PCDH15: variants seen among roughly 807,000 people sequenced by gnomAD.
The protein encoded by PCDH15 is protocadherin-15.
PCDH15 carries 129 observed loss-of-function variants against 178.5 expected under a neutral mutation model. The ratio of observed to expected loss-of-function variants is 0.72; its 90% CI spans 0.63 to 0.84. The LOEUF is 0.84. Among genes scored for constraint, PCDH15 ranks in the 40% least tolerant of loss-of-function variants. The pLI is 0.00. For synonymous variants in PCDH15, 800 were observed against 732.0 expected (o/e 1.09, Z -1.50); for missense variants, 2,230 against 2,099.9 (o/e 1.06, Z -1.21).
chr10:55,498,167 A>G (rs1335986097), intron 2 of PCDH15, among the ~76,000 whole-genome samples: 2 of 151,934 alleles, frequency 1.3e-5, no homozygotes, highest in Admixed American at 6.6e-5. Context: ...TTGAGTTATT[A>G]TATTTTAAAG....
intron 3 of PCDH15, among the ~76,000 whole-genome samples, chr10:54,818,269 T>G (rs1591718763): frequency 6.6e-6 from 1 of 152,064 alleles, no homozygotes; most frequent in Non-Finnish European, 1.5e-5. Flanking sequence ...AATAAAATGA[T>G]TGAGTAATTA....
rs150523139 is a variant in PCDH15 at position 55,231,185 on chromosome 10, G to T, written c.-155-64534C>A. Among the ~76,000 whole-genome samples the T allele has an allele frequency of 4.3e-4, 66 of 151,980 alleles. 1 individual carries two copies. In the East Asian group the frequency reaches 0.013, roughly 29 times the overall value. ...GTATCTTAAATAGGGTTTATTGGTC[G>T]CAAGCAACAAAAATTGAATCTGGAT... On this transcript the variant is annotated intron_variant, in intron 1 of 5. Coordinates refer to the PCDH15 transcript ENST00000458638.
intron 2 of PCDH15, among the ~76,000 whole-genome samples, chr10:54,663,696 A>ACCC (rs2094526442): frequency 3.3e-5 from 5 of 150,982 alleles, no homozygotes; most frequent in African/African-American, 1.2e-4. Flanking sequence ...TCTTCCCAAA[A>ACCC]AAAAAAAATA....
chr10:55,258,705 A>C (rs1271408179), intron 1 of PCDH15, among the ~76,000 whole-genome samples: 1 of 149,446 alleles, frequency 6.7e-6, no homozygotes, highest in Non-Finnish European at 1.5e-5. Flanking sequence ...AATATTTAAG[A>C]GGAGATATTG....
At chr10:54,168,615 G>C (rs1215473386) in intron 13 of PCDH15, among the ~76,000 whole-genome samples, 1 of 152,164 alleles carries the variant, frequency 6.6e-6, no homozygotes, top group East Asian at 1.9e-4. Context: ...CAAAGGCATA[G>C]TCAAGGTTAA....
At chr10:55,211,870 A>G (rs959189309) in intron 1 of PCDH15, among the ~76,000 whole-genome samples, 6 of 152,136 alleles carry the variant, frequency 3.9e-5, no homozygotes, top group African/African-American at 1.4e-4. Context: ...GAAAGAAATC[A>G]TTTATGCAGA....
rs72794910 is a variant in PCDH15, at chr10:53,887,154, C to G, written c.3501+16089G>C. On this transcript the variant is annotated intron_variant, in intron 26 of 37. Transcript: ENST00000644397. Reference sequence around the variant, plus strand: ...CTCCCTACCACCCTGTCTTTCAGATCCAACCTAAGGTATTTGATTACTGGC... The same window carrying G: ...CTCCCTACCACCCTGTCTTTCAGATGCAACCTAAGGTATTTGATTACTGGC... Among the ~76,000 whole-genome samples the G allele has an allele frequency of 6.7e-3, 1,027 of 152,250 alleles. 5 individuals are homozygous for G. Among genetic ancestry groups the G allele is most frequent in the Middle Eastern group, 0.027 (8 of 294 alleles).
chr10:54,626,481 T>C (rs1412556228), intron 2 of PCDH15, among the ~76,000 whole-genome samples: 2 of 152,156 alleles, frequency 1.3e-5, no homozygotes, highest in African/African-American at 4.8e-5. Flanking sequence ...GGGGCCAATT[T>C]AGAGCTTGAG....
chr10:54,227,672 A>T (rs1450774651), intron 9 of PCDH15, among the ~76,000 whole-genome samples: 2 of 152,360 alleles, frequency 1.3e-5, no homozygotes, highest in East Asian at 3.9e-4. Context: ...CTATCAAATT[A>T]TCAGGCTGTA....
intron 2 of PCDH15, among the ~76,000 whole-genome samples, chr10:55,398,525 C>T (rs969049237): frequency 1.3e-5 from 2 of 152,060 alleles, no homozygotes; most frequent in South Asian, 4.1e-4. Context: ...CTCTCTTGTC[C>T]CACACCCCAA....
chr10:53,991,724 G>A (rs2091499090), intron 21 of PCDH15, among the ~76,000 whole-genome samples: 1 of 151,964 alleles, frequency 6.6e-6, no homozygotes, highest in African/African-American at 2.4e-5. Flanking sequence ...TAATCTAGTG[G>A]GGACTTGGAG....
rs73249298 is a variant in PCDH15, at chr10:54,630,459, T to A, written c.91+33713A>T. 3.9e-3 allele frequency among the ~76,000 whole-genome samples: 594 copies of A among 152,264 alleles called. 7 individuals are homozygous for A. The highest frequency in any genetic ancestry group is 0.014 in the African/African-American group (577 of 41,562). On this transcript the variant is annotated intron_variant, in intron 2 of 37. Transcript: ENST00000644397. ...TGGTGCTAGTTTAACTGGCTAGCCA[T>A]ATGCAGAAGAATGAAACTGCACCCT...
At chr10:54,381,412 C>A (rs1376038360) in intron 3 of PCDH15, among the ~76,000 whole-genome samples, 1 of 152,118 alleles carries the variant, frequency 6.6e-6, no homozygotes, top group East Asian at 1.9e-4. Context: ...CACCAGAATA[C>A]TCTGGGTGTA....
chr10:55,113,295 C>A (rs976558090), intron 2 of PCDH15, among the ~76,000 whole-genome samples: 14 of 151,988 alleles, frequency 9.2e-5, no homozygotes, highest in African/African-American at 3.4e-4. Flanking sequence ...AATGTCCTTT[C>A]CCTGTTCCTA....
intron 15 of PCDH15, among the ~76,000 whole-genome samples, chr10:54,101,777 G>A (rs564311805): frequency 1.0e-3 from 155 of 152,116 alleles, no homozygotes; most frequent in Non-Finnish European, 2.0e-3. Context: ...AAACAGCGTG[G>A]GCAACATGGT....
intron 1 of PCDH15, among the ~76,000 whole-genome samples, chr10:55,215,005 C>T (rs1484886164): frequency 6.6e-6 from 1 of 152,046 alleles, no homozygotes; most frequent in Non-Finnish European, 1.5e-5. Flanking sequence ...CTTTAATGCA[C>T]TCTTTATTTC....
chr10:54,146,208 A>T (rs2043889207), intron 14 of PCDH15, among the ~76,000 whole-genome samples: 1 of 152,036 alleles, frequency 6.6e-6, no homozygotes, highest in South Asian at 2.1e-4. Context: ...TTAAAGAGAA[A>T]ATTGTATTTT....
chr10:54,350,584 C>T (rs1229234312), intron 5 of PCDH15, among the ~76,000 whole-genome samples: 6 of 152,122 alleles, frequency 3.9e-5, no homozygotes, highest in African/African-American at 1.4e-4. Context: ...GTTATATGGG[C>T]AAACATGGGA....
chr10:55,373,513 C>T (rs1845553800), intron 2 of PCDH15, among the ~76,000 whole-genome samples: 1 of 151,894 alleles, frequency 6.6e-6, no homozygotes, highest in Non-Finnish European at 1.5e-5. Context: ...ACCTAGACCT[C>T]ATTAAAATAC....
Sources: allele counts gnomAD v4.1 joint callset (sites outside exome capture counted in the v4.1 genomes callset), GRCh38; gene constraint gnomAD v4.1.1; transcripts MANE v1.5; gene names NCBI Gene and HGNC (gene_info 2026-07-23, HGNC 2026-07-21).